SLC2A11: variants seen among roughly 807,000 people sequenced by gnomAD.
SLC2A11 encodes solute carrier family 2, facilitated glucose transporter member 11.
Under a neutral mutation model 52.1 loss-of-function variants are expected in SLC2A11, and 43 were observed. The ratio of observed to expected loss-of-function variants is 0.82; its 90% CI spans 0.65 to 1.06. The LOEUF is 1.06. Among genes scored for constraint, SLC2A11 ranks in the 50% least tolerant of loss-of-function variants. SLC2A11 has a pLI of 0.00. For missense variants in SLC2A11, 582 were observed against 654.2 expected, an observed-to-expected ratio of 0.89 and a Z score of 1.20; for synonymous variants, 261 against 277.6, an observed-to-expected ratio of 0.94 and a Z score of 0.59.
chr22:23,865,959 A>T (rs1179089778), intron 2 of SLC2A11: 1 of 152,410 alleles, frequency 6.6e-6, no homozygotes, highest in Non-Finnish European at 1.5e-5. Context: ...TGAGCCCCGG[A>T]GTTTGAGACC....
At chr22:23,861,958 C>G in intron 1 of SLC2A11, 146 bp from the exon 2 acceptor site, 1 of 719,994 alleles carries the variant, frequency 1.4e-6, no homozygotes, top group Non-Finnish European at 2.4e-6. Flanking sequence ...CAGGTAACTC[C>G]TCTCTGTGCC....
chr22:23,885,192 A>C lies in SLC2A11; in HGVS notation c.*343A>C. ...CATAGTGAGACCCCCTATCTCTACA[A>C]AAAATTTTAAACATTAGCTGGGCAT... On this transcript the variant is annotated 3_prime_UTR_variant, in exon 12 of 12. Transcript: ENST00000316185. 2.3e-6 allele frequency: 1 copy of C among 434,376 alleles called. No homozygotes were observed. Among genetic ancestry groups the C allele is most frequent in the Admixed American group, 4.0e-5 (1 of 25,146 alleles). The allele number at this position is 434,376 out of a possible 1,614,324, so 26.9% of individuals were successfully genotyped here. A position where few individuals can be genotyped will look rare whatever the true frequency, so the allele number is the denominator to read the frequency against.
intron 4 of SLC2A11, 145 bp from the exon 5 acceptor site, chr22:23,876,897 T>TG (rs1166161200): frequency 1.4e-5 from 18 of 1,271,186 alleles, no homozygotes; most frequent in Non-Finnish European, 1.8e-5. Flanking sequence ...AACCCCTGAG[T>TG]GTGGGGGGTG....
chr22:23,882,876 C>G lies in SLC2A11; in HGVS notation c.993+7C>G, dbSNP rs1049219585. The G allele has an allele frequency of 3.7e-6, 6 of 1,605,232 alleles. No individual in the cohort carries two copies. In the Admixed American group the frequency reaches 6.8e-5, roughly 18 times the overall value. ...GCTCACGGCGGTTGTTAGTGTGAGT[C>G]TGGAGGGTGCCCTTCCTCCACCAGC... is the stretch of plus-strand genomic sequence containing the variant. On this transcript the variant is annotated splice_region_variant and intron_variant, in intron 8 of 11. Transcript: ENST00000316185.
chr22:23,859,017 C>T (rs746500590), intron 1 of SLC2A11, among the ~76,000 whole-genome samples: 6 of 152,196 alleles, frequency 3.9e-5, no homozygotes, highest in African/African-American at 1.2e-4. Flanking sequence ...TGACCAGGCA[C>T]GGTATAGGCA....
In SLC2A11 at chr22:23,882,766, C is replaced by G. The variant is rs143899804; in HGVS notation, c.890C>G (p.Ala297Gly). 9 of 1,612,194 alleles carry G rather than the reference C, an allele frequency of 5.6e-6. No individual in the cohort carries two copies. In the African/African-American group the frequency reaches 9.4e-5, roughly 17 times the overall value. The change falls in exon 8 of 12, where the codon GCC becomes GGC. Residue 297 changes from alanine to glycine, a missense_variant. Coordinates refer to ENST00000316185, the MANE Select transcript of SLC2A11 (RefSeq NM_001024939.4). ...AAAGCCACCCTCTCCCAGGTGTACG[C>G]CTACGCCTCCTCCGTGTTCCGGAAG... The part of the protein sequence containing the change: ...MELCGNDSVY[A>G]YASSVFRKAG...
rs761880893 is a variant in SLC2A11 at position 23,877,082 on chromosome 22, C to T, written c.456C>T (p.Ser152=). 11 of 1,613,816 alleles carry T rather than the reference C, an allele frequency of 6.8e-6. No homozygotes were observed. Among genetic ancestry groups the T allele is most frequent in the Middle Eastern group, 1.6e-4 (1 of 6,080 alleles). The change falls in exon 5 of 12, where the codon AGC becomes AGT. Residue 152 remains serine (S), a synonymous_variant. Transcript: ENST00000316185. ...MNIQPMYLGE[S]APKELRGAVA... ...TCCAGCCCATGTACCTGGGGGAGAG[C>T]GCCCCTAAGGAGCTCCGAGGAGCTG...
At position 23,882,858 on chromosome 22, in the gene SLC2A11, G is replaced by A. The variant is rs761577595; in HGVS notation, c.982G>A (p.Ala328Thr). 1 of 1,611,402 alleles carries A rather than the reference G, an allele frequency of 6.2e-7. No homozygotes were observed. The highest frequency in any genetic ancestry group is 1.7e-5 in the Admixed American group (1 of 59,800). ...IGTGSCELLT[A>T]VVSCVVIERV... is the part of the protein sequence containing the mutation. ...GACTGGGAGCTGCGAGCTGCTCACG[G>A]CGGTTGTTAGTGTGAGTCTGGAGGG... Residue 328 changes from alanine to threonine, a missense_variant, in exon 8 of 12, where the codon GCG becomes ACG. Transcript: ENST00000316185.
chr22:23,877,649 G>A (rs2146133953), intron 5 of SLC2A11, 72 bp from the exon 6 acceptor site: 2 of 1,492,920 alleles, frequency 1.3e-6, no homozygotes, highest in East Asian at 2.4e-5. Context: ...AGGTGTGTAG[G>A]TGGGCAGGAG....
chr22:23,866,820 G>A (rs1048289203), intron 2 of SLC2A11: 10 of 152,498 alleles, frequency 6.6e-5, no homozygotes, highest in African/African-American at 2.2e-4. Flanking sequence ...TCAGGAGGCT[G>A]AGGCAGGAGG....
At chr22:23,878,491 A>G (rs1226128779) in intron 6 of SLC2A11, among the ~76,000 whole-genome samples, 1 of 152,176 alleles carries the variant, frequency 6.6e-6, no homozygotes, top group Non-Finnish European at 1.5e-5. Context: ...TAGCATGGTG[A>G]TGGCAGAGAA....
At chr22:23,861,290 C>CAAAAAA (rs56138210) in intron 1 of SLC2A11, among the ~76,000 whole-genome samples, 1 of 35,616 alleles carries the variant, frequency 2.8e-5, no homozygotes, top group Non-Finnish European at 5.5e-5. Flanking sequence ...GACTCAGTCT[C>CAAAAAA]AAAAAAAAAA....
At chr22:23,857,036 G>GA, upstream of SLC2A11, 1 of 1,420,302 alleles carries the variant, frequency 7.0e-7, no homozygotes, top group Non-Finnish European at 9.5e-7. Context: ...GTCCTCTGGG[G>GA]AAAGGTCGGG....
At position 23,868,515 on chromosome 22, in the gene SLC2A11, C is replaced by G. The variant is rs552556194; in HGVS notation, c.164C>G (p.Ala55Gly). 1 of 1,614,198 alleles carries G rather than the reference C, an allele frequency of 6.2e-7. No homozygotes were observed. The highest frequency in any genetic ancestry group is 1.1e-5 in the South Asian group (1 of 91,088). ...IQEFTNETWQ[A>G]RTGEPLPDHL... ...GAATTCACCAATGAGACATGGCAGG[C>G]GCGTACTGGAGAGCCACTGCCCGAT... is the stretch of plus-strand genomic sequence containing the variant. Residue 55 changes from alanine (A) to glycine (G), a missense_variant, in exon 3 of 12, where the codon GCG becomes GGG. Physicochemically the swap from Ala to Gly is moderately conservative, Grantham distance 60. Coordinates refer to ENST00000316185, the MANE Select transcript of SLC2A11 (RefSeq NM_001024939.4).
chr22:23,857,577 AC>A (rs750630400), upstream of SLC2A11: 17,990 of 1,106,970 alleles, frequency 0.016, 19 homozygotes, highest in Middle Eastern at 0.022. Context: ...GTGACCCCAA[AC>A]CCCCCCCCCG....
chr22:23,876,933 C>T (rs936861610), intron 4 of SLC2A11, 109 bp from the exon 5 acceptor site: 3 of 1,559,370 alleles, frequency 1.9e-6, no homozygotes, highest in African/African-American at 2.7e-5. Context: ...GTGCCAGGAT[C>T]CAGTTGAGTG....
In SLC2A11 at chr22:23,885,358, A is replaced by T. The variant is rs1394333791; in HGVS notation, c.*509A>T. 6.2e-6 allele frequency: 1 copy of T among 160,036 alleles called. No individual in the cohort carries two copies. The highest frequency in any genetic ancestry group is 2.4e-5 in the African/African-American group (1 of 41,700). The allele number at this position is 160,036 out of a possible 1,614,324, so 9.9% of individuals were successfully genotyped here. A position where few individuals can be genotyped will look rare whatever the true frequency, so the allele number is the denominator to read the frequency against. ...TGACAGAGGGAGACTTCATCTCTTT[A>T]AAACATAATAATAATAATTACAGAC... On this transcript the variant is annotated 3_prime_UTR_variant, in exon 12 of 12. Coordinates refer to ENST00000316185, the MANE Select transcript of SLC2A11 (RefSeq NM_001024939.4).
intron 2 of SLC2A11, among the ~76,000 whole-genome samples, chr22:23,864,023 G>A (rs1313415522): frequency 6.6e-6 from 1 of 152,090 alleles, no homozygotes; most frequent in East Asian, 1.9e-4. Flanking sequence ...AGTCTTCCAG[G>A]TTAGCTCATG....
rs148470395 is a variant in SLC2A11, at chr22:23,882,851, G to C, written c.975G>C (p.Leu325=). The C allele has an allele frequency of 2.5e-6, 4 of 1,612,268 alleles. No individual in the cohort carries two copies. The African/African-American group carries it at 5.3e-5, about 22-fold the overall frequency. Residue 325 remains leucine, a synonymous_variant, in exon 8 of 12, where the codon CTG becomes CTC. Transcript: ENST00000316185. ...TCATCGGGACTGGGAGCTGCGAGCTGCTCACGGCGGTTGTTAGTGTGAGTC... is the reference window on the plus strand; with the variant it reads ...TCATCGGGACTGGGAGCTGCGAGCTCCTCACGGCGGTTGTTAGTGTGAGTC... ...YAIIGTGSCE[L]LTAVVSCVVI...
Sources: allele counts gnomAD v4.1 joint callset (sites outside exome capture counted in the v4.1 genomes callset), GRCh38; gene constraint gnomAD v4.1.1; transcripts MANE v1.5; gene names NCBI Gene and HGNC (gene_info 2026-07-23, HGNC 2026-07-21).